Variants in STX6 observed in about 807,000 individuals in gnomAD.
STX6 encodes the protein syntaxin-6.
A neutral mutation model predicts 38.0 loss-of-function variants in STX6; 23 were observed. The observed-to-expected ratio is 0.60, with a 90% CI of 0.43 to 0.86. STX6 has a LOEUF of 0.86. Ranked by LOEUF, STX6 falls within the 40% of genes least tolerant of loss-of-function variation. The pLI, the probability that STX6 is intolerant of heterozygous loss-of-function variation, is 0.00. For missense variants in STX6, 274 were observed against 312.9 expected (o/e 0.88, Z 0.94); for synonymous variants, 123 against 107.5 (o/e 1.14, Z -0.89).
chr1:181,022,093 GGCCCCC>G (rs1368760766), intron 1 of STX6, among the ~76,000 whole-genome samples: 1 of 150,908 alleles, frequency 6.6e-6, no homozygotes, highest in East Asian at 1.9e-4. Context: ...CTCCCAGAAC[GGCCCCC>G]GCCCCCGCCT....
At chr1:181,003,519 G>GC (rs1347553530) in intron 2 of STX6, among the ~76,000 whole-genome samples, 8 of 151,854 alleles carry the variant, frequency 5.3e-5, no homozygotes, top group African/African-American at 1.9e-4. Context: ...TTTTGATCCT[G>GC]CCCCCTCACA....
intron 7 of STX6, among the ~76,000 whole-genome samples, chr1:180,981,513 C>CGAAT: frequency 6.6e-6 from 1 of 152,286 alleles, no homozygotes; most frequent in Middle Eastern, 3.4e-3. Flanking sequence ...AGGCATCTCG[C>CGAAT]TATTCTCAGC....
intron 4 of STX6, among the ~76,000 whole-genome samples, 195 bp from the exon 5 acceptor site, chr1:180,990,304 CT>C (rs1356444441): frequency 6.6e-6 from 1 of 152,168 alleles, no homozygotes; most frequent in Non-Finnish European, 1.5e-5. Flanking sequence ...CCCTCTATGT[CT>C]TTAAGCTCTC....
chr1:181,006,751 A>C (rs547123805), intron 1 of STX6, among the ~76,000 whole-genome samples: 43 of 152,308 alleles, frequency 2.8e-4, no homozygotes, highest in African/African-American at 1.0e-3. Flanking sequence ...TGGAAAAAAG[A>C]AAGCGCTAAC....
At chr1:180,978,109 A>G (rs1041184624) in intron 7 of STX6, among the ~76,000 whole-genome samples, 1 of 152,352 alleles carries the variant, frequency 6.6e-6, no homozygotes, top group East Asian at 1.9e-4. Flanking sequence ...GAAAACTTTT[A>G]TAACTGGCAT....
chr1:181,020,020 G>A (rs746819498), intron 1 of STX6, among the ~76,000 whole-genome samples: 1 of 151,994 alleles, frequency 6.6e-6, no homozygotes, highest in African/African-American at 2.4e-5. Flanking sequence ...AAAATTAGCC[G>A]GGCGTGGTGG....
intron 1 of STX6, among the ~76,000 whole-genome samples, chr1:181,016,275 C>T (rs971644963): frequency 6.6e-6 from 1 of 152,186 alleles, no homozygotes; most frequent in East Asian, 1.9e-4. Context: ...TTTCCCCAGC[C>T]TAGAAGAGCC....
intron 1 of STX6, among the ~76,000 whole-genome samples, chr1:181,018,115 T>C (rs1313239863): frequency 6.6e-6 from 1 of 152,012 alleles, no homozygotes; most frequent in Non-Finnish European, 1.5e-5. Context: ...CCAGGCGCGG[T>C]GGCTCATGCC....
chr1:180,976,585 G>C lies in STX6; in HGVS notation c.753C>G (p.Leu251=). 2 of 1,613,772 alleles carry C rather than the reference G, an allele frequency of 1.2e-6. No individual in the cohort carries two copies. The change falls in exon 8 of 8, where the codon CTC becomes CTG. Residue 251 remains leucine, a synonymous_variant. Transcript: ENST00000258301. The part of the protein sequence containing the change: ...LFAVLLVVLI[L]FLVL ...GGCCCCGCCGTCACAGCACTAAGAA[G>C]AGGATGAGCACAACCAACAGGACTG...
intron 1 of STX6, among the ~76,000 whole-genome samples, chr1:181,011,603 T>C (rs990605750): frequency 6.6e-6 from 1 of 152,210 alleles, no homozygotes; most frequent in African/African-American, 2.4e-5. Flanking sequence ...AACTAAAAAC[T>C]GAAGATTACT....
chr1:180,983,981 G>A (rs953391006), intron 7 of STX6, among the ~76,000 whole-genome samples: 4 of 140,296 alleles, frequency 2.9e-5, no homozygotes, highest in South Asian at 2.3e-4. Flanking sequence ...GGAGAATGGC[G>A]TGAACCTGGG....
chr1:180,997,515 T>C (rs988613049), intron 3 of STX6, among the ~76,000 whole-genome samples: 1 of 152,220 alleles, frequency 6.6e-6, no homozygotes, highest in East Asian at 1.9e-4. Flanking sequence ...TGAGATATGC[T>C]TGAGTGTAAA....
intron 1 of STX6, among the ~76,000 whole-genome samples, chr1:181,018,388 C>CA (rs34962747): frequency 0.026 from 1,112 of 43,042 alleles, 132 homozygotes; most frequent in Middle Eastern, 0.056. Flanking sequence ...GACTCTGTCC[C>CA]AAAAAAAAAA....
chr1:181,008,677 G>C (rs1209255722), intron 1 of STX6, among the ~76,000 whole-genome samples: 1 of 145,074 alleles, frequency 6.9e-6, no homozygotes, highest in Non-Finnish European at 1.5e-5. Context: ...AAAAACTTAA[G>C]TGTTGGAAAT....
At chr1:181,012,635 CAAAAT>C in intron 1 of STX6, among the ~76,000 whole-genome samples, 1 of 147,730 alleles carries the variant, frequency 6.8e-6, no homozygotes. Flanking sequence ...TTGGGAAAAA[CAAAAT>C]AAAGTCATCT....
chr1:181,005,278 C>T lies in STX6; in HGVS notation c.205+16G>A, dbSNP rs1270737536. 2 of 1,609,358 alleles carry T rather than the reference C, an allele frequency of 1.2e-6. No individual in the cohort carries two copies. Among genetic ancestry groups the T allele is most frequent in the Non-Finnish European group, 1.7e-6 (2 of 1,176,848 alleles). On this transcript the variant is annotated intron_variant, in intron 2 of 7. Coordinates refer to ENST00000258301, the MANE Select transcript of STX6 (RefSeq NM_005819.6). ...CTATTTATCCCGAATGGCACAGACA[C>T]CACAGAAAAGGATATTGATGGTTTC... is the stretch of plus-strand genomic sequence containing the variant.
rs555883517 is a variant in STX6, at chr1:180,998,902, C to A, written c.300+3704G>T. On this transcript the variant is annotated intron_variant, in intron 3 of 7. Transcript: ENST00000258301. ...CAACAAGTCCCAATAAAATATGGTT[C>A]ATCTGCCAAAGGAACAACAAATGTC... 4.6e-5 allele frequency among the ~76,000 whole-genome samples: 7 copies of A among 152,310 alleles called. No individual in the cohort carries two copies. The East Asian group carries it at 1.2e-3, about 25-fold the overall frequency.
At position 180,998,289 on chromosome 1, in the gene STX6, A is replaced by C. The variant is rs190622501; in HGVS notation, c.300+4317T>G. Among the ~76,000 whole-genome samples the C allele has an allele frequency of 1.2e-4, 19 of 152,336 alleles. No individual in the cohort carries two copies. In the East Asian group the frequency reaches 3.5e-3, roughly 28 times the overall value. On this transcript the variant is annotated intron_variant, in intron 3 of 7. Transcript: ENST00000258301. ...GCCTGCATGGGTGTTAGCCCTGATG[A>C]GGCAGATTCCTCCAATAGCCCTGTG...
rs553445584 is a variant in STX6 at position 180,999,516 on chromosome 1, G to A, written c.300+3090C>T. On this transcript the variant is annotated intron_variant, in intron 3 of 7. Coordinates refer to ENST00000258301, the MANE Select transcript of STX6 (RefSeq NM_005819.6). The stretch of plus-strand genomic sequence containing the variant: ...TTTGGTTCTTCACTAAAAACTGCCA[G>A]CAAAACTGGATTTGTACAGACTTAA... 7.2e-5 allele frequency among the ~76,000 whole-genome samples: 11 copies of A among 152,198 alleles called. No homozygotes were observed. In the East Asian group the frequency reaches 1.7e-3, roughly 24 times the overall value.
Sources: allele counts gnomAD v4.1 joint callset (sites outside exome capture counted in the v4.1 genomes callset), GRCh38; gene constraint gnomAD v4.1.1; transcripts MANE v1.5; gene names NCBI Gene and HGNC (gene_info 2026-07-23, HGNC 2026-07-21).